The following CPAMD8 variants were observed in gnomAD, a reference collection of about 807,000 sequenced individuals.
The protein encoded by CPAMD8 is C3 and PZP like alpha-2-macroglobulin domain containing 8.
CPAMD8 carries 146 observed loss-of-function variants against 224.7 expected under a neutral mutation model. The observed-to-expected ratio is 0.65, with a 90% CI of 0.57 to 0.75. The LOEUF (loss-of-function observed/expected upper bound fraction) is 0.75. Ranked by LOEUF, CPAMD8 falls within the 30% of genes least tolerant of loss-of-function variation. The probability of loss-of-function intolerance (pLI) is 0.00; values close to 1 mark genes in which losing one functional copy is unlikely to be tolerated. For synonymous variants in CPAMD8, 966 were observed against 1,044.6 expected (o/e 0.92, Z 1.45); for missense variants, 2,301 against 2,537.5 (o/e 0.91, Z 2.00).
chr19:16,991,920 G>A (rs1289379180), intron 12 of CPAMD8, among the ~76,000 whole-genome samples: 1 of 151,932 alleles, frequency 6.6e-6, no homozygotes, highest in Non-Finnish European at 1.5e-5. Context: ...TTGAGCAGCA[G>A]GTCCAACACA....
At chr19:17,025,097 C>T (rs907077398) in intron 1 of CPAMD8, among the ~76,000 whole-genome samples, 4 of 152,288 alleles carry the variant, frequency 2.6e-5, no homozygotes, top group East Asian at 1.9e-4. Context: ...CAGAGGAAAA[C>T]GCCCTGGAGA....
rs1568450888 is a variant in CPAMD8 at position 16,901,312 on chromosome 19, G to A, written c.4686-15C>T. ...CATGCAGCCACCTTCCAACAACAGGGGAGAGAGAGAGGCCCTAGAGCTCAA... is the reference window on the plus strand; with the variant it reads ...CATGCAGCCACCTTCCAACAACAGGAGAGAGAGAGAGGCCCTAGAGCTCAA... On this transcript the variant is annotated splice_polypyrimidine_tract_variant and intron_variant, in intron 35 of 41. Coordinates refer to ENST00000443236, the MANE Select transcript of CPAMD8 (RefSeq NM_015692.5). 1 of 1,568,526 alleles carries A rather than the reference G, an allele frequency of 6.4e-7. No individual in the cohort carries two copies.
chr19:16,902,629 A>G lies in CPAMD8; in HGVS notation c.4685+20T>C, dbSNP rs1241265461. ...TGCACCCTCCTGGGATGCCCACGCC[A>G]GCAGGGCAGGTGGCCTTACCTGGTG... On this transcript the variant is annotated intron_variant, in intron 35 of 41. Coordinates refer to ENST00000443236, the MANE Select transcript of CPAMD8 (RefSeq NM_015692.5). 2 of 1,546,388 alleles carry G rather than the reference A, an allele frequency of 1.3e-6. No homozygotes were observed. Among genetic ancestry groups the G allele is most frequent in the African/African-American group, 1.4e-5 (1 of 73,680 alleles).
At chr19:16,915,929 TTCTC>T (rs745967282) in intron 27 of CPAMD8, among the ~76,000 whole-genome samples, 2 of 151,056 alleles carry the variant, frequency 1.3e-5, no homozygotes, top group Non-Finnish European at 3.0e-5. Flanking sequence ...TCCTTCCTTT[TTCTC>T]TCTCTCTTTT....
chr19:16,948,997 A>G (rs552328082), intron 20 of CPAMD8, among the ~76,000 whole-genome samples: 62 of 134,440 alleles, frequency 4.6e-4, no homozygotes, highest in African/African-American at 1.7e-3. Context: ...AGAAAGAAAG[A>G]GAGAGAAAAG....
chr19:16,978,896 C>T (rs1056403041), intron 14 of CPAMD8, among the ~76,000 whole-genome samples: 2 of 151,344 alleles, frequency 1.3e-5, no homozygotes, highest in Non-Finnish European at 2.9e-5. Context: ...CAACCATCCA[C>T]CCATCCCTCT....
intron 24 of CPAMD8, 23 bp downstream of exon 24, chr19:16,928,919 C>G: frequency 1.3e-6 from 2 of 1,564,108 alleles, no homozygotes; most frequent in Non-Finnish European, 1.7e-6. Flanking sequence ...TCTGCACAAG[C>G]CCCAGGCAGT....
At chr19:16,908,414 G>A (rs1246829424) in intron 29 of CPAMD8, among the ~76,000 whole-genome samples, 1 of 151,226 alleles carries the variant, frequency 6.6e-6, no homozygotes, top group Non-Finnish European at 1.5e-5. Flanking sequence ...GACCTCCACA[G>A]CCCAGGCCCT....
At chr19:16,919,346 GT>G (rs1420233705) in intron 27 of CPAMD8, among the ~76,000 whole-genome samples, 1 of 152,232 alleles carries the variant, frequency 6.6e-6, no homozygotes, top group Non-Finnish European at 1.5e-5. Context: ...CAGCCGCCAT[GT>G]TGTAAGAACA....
At chr19:16,905,583 AAAAG>A (rs2052446038) in intron 30 of CPAMD8, among the ~76,000 whole-genome samples, 1 of 150,802 alleles carries the variant, frequency 6.6e-6, no homozygotes, top group Non-Finnish European at 1.5e-5. Context: ...AAAAAAAAAA[AAAAG>A]AAAAAGGCTC....
intron 22 of CPAMD8, among the ~76,000 whole-genome samples, chr19:16,943,855 A>G (rs550992992): frequency 6.6e-6 from 1 of 151,994 alleles, no homozygotes; most frequent in African/African-American, 2.4e-5. Context: ...TCCAGAGCCC[A>G]CTCCCTGGCT....
Position 16,898,304 on chromosome 19 carries a change from C to G in CPAMD8, c.4849-310G>C, listed in dbSNP as rs1286730731. Reference sequence around the variant, plus strand: ...GGATAACAGGCGCCCACCACCGCACCCTGCTAATTTTTTGTATTTTTGATC... The same window carrying G: ...GGATAACAGGCGCCCACCACCGCACGCTGCTAATTTTTTGTATTTTTGATC... On this transcript the variant is annotated intron_variant, in intron 37 of 41. Coordinates refer to ENST00000443236, the MANE Select transcript of CPAMD8 (RefSeq NM_015692.5). This position sits in a 1 kb window ranked among gnomAD's most constrained non-coding sequence, Gnocchi z 4.2. 6.6e-6 allele frequency among the ~76,000 whole-genome samples: 1 copy of G among 151,866 alleles called. No homozygotes were observed. The highest frequency in any genetic ancestry group is 1.5e-5 in the Non-Finnish European group (1 of 67,976).
intron 17 of CPAMD8, among the ~76,000 whole-genome samples, chr19:16,972,743 G>T (rs1031986206): frequency 2.0e-5 from 3 of 152,118 alleles, no homozygotes; most frequent in African/African-American, 7.2e-5. Context: ...CTTTGAATAA[G>T]AAATTCAAAC....
intron 1 of CPAMD8, among the ~76,000 whole-genome samples, chr19:17,022,608 C>T (rs2056989166): frequency 6.6e-6 from 1 of 151,842 alleles, no homozygotes; most frequent in Non-Finnish European, 1.5e-5. Flanking sequence ...AAGGGATTCT[C>T]GTGCCTTAGC....
intron 17 of CPAMD8, among the ~76,000 whole-genome samples, chr19:16,974,120 G>A (rs1052415858): frequency 1.3e-5 from 2 of 150,212 alleles, no homozygotes; most frequent in Non-Finnish European, 3.0e-5. Flanking sequence ...GAGCCACCGC[G>A]CTCAGCCAGC....
intron 29 of CPAMD8, among the ~76,000 whole-genome samples, chr19:16,913,595 A>G (rs1381094516): frequency 6.6e-6 from 1 of 151,982 alleles, no homozygotes; most frequent in East Asian, 1.9e-4. Flanking sequence ...GAAGCCACTT[A>G]CTCCATGGTA....
intron 1 of CPAMD8, among the ~76,000 whole-genome samples, chr19:17,022,461 T>G (rs987637898): frequency 2.6e-5 from 4 of 151,982 alleles, no homozygotes; most frequent in Non-Finnish European, 4.4e-5. Context: ...GCCTCCAGCC[T>G]GTTGACTCAG....
chr19:17,012,610 TTACAGACG>T (rs1229765192), intron 3 of CPAMD8, among the ~76,000 whole-genome samples: 2 of 152,104 alleles, frequency 1.3e-5, no homozygotes, highest in African/African-American at 4.8e-5. Flanking sequence ...CAGCCTCAGA[TTACAGACG>T]TGAGCCACTG....
chr19:16,963,693 C>A (rs1311415394), intron 18 of CPAMD8, among the ~76,000 whole-genome samples: 1 of 152,128 alleles, frequency 6.6e-6, no homozygotes, highest in Non-Finnish European at 1.5e-5. Context: ...CCAAGCAGAC[C>A]TAATAGACAT....
Sources: gnomAD v4.1 joint callset for allele counts (sites outside exome capture counted in the v4.1 genomes callset) on GRCh38, gnomAD v4.1.1 for gene constraint, Gnocchi (gnomAD v3.1) non-coding constraint, MANE v1.5 for transcripts, NCBI Gene and HGNC (gene_info 2026-07-23, HGNC 2026-07-21) for gene names.